Variants in BLTP3A observed in about 807,000 individuals in gnomAD.
The protein encoded by BLTP3A is ICBP90 binding protein 1.
At chr6:34,858,022 A>G in the BLTP3A span, 1 of 1,557,306 alleles carries the variant, frequency 6.4e-7, no homozygotes, top group Non-Finnish European at 8.7e-7. Flanking sequence ...GAAGTAAGAA[A>G]ATAGTTTCAC....
chr6:34,847,455 G>C, the BLTP3A span, among the ~76,000 whole-genome samples: 1 of 151,930 alleles, frequency 6.6e-6, no homozygotes, highest in East Asian at 1.9e-4. Context: ...TTTGCTGGGA[G>C]ACTTTTTATT....
At chr6:34,853,987 G>T in the BLTP3A span, among the ~76,000 whole-genome samples, 1 of 152,196 alleles carries the variant, frequency 6.6e-6, no homozygotes, top group East Asian at 1.9e-4. Context: ...ACTTTGGGGG[G>T]CCGAGGTGGG....
chr6:34,846,130 C>T, the BLTP3A span, among the ~76,000 whole-genome samples: 1 of 124,320 alleles, frequency 8.0e-6, no homozygotes. Context: ...CTTCCCTTCC[C>T]TCCTTCCTTC....
chr6:34,864,522 C>CTTTTTTTTTTTTTTTTT, the BLTP3A span, among the ~76,000 whole-genome samples: 1 of 109,454 alleles, frequency 9.1e-6, no homozygotes, highest in Non-Finnish European at 1.8e-5. Flanking sequence ...TGCTTATAGT[C>CTTTTTTTTTTTTTTTTT]TTTTTTTTTT....
the BLTP3A span, among the ~76,000 whole-genome samples, chr6:34,825,069 C>T: frequency 6.6e-6 from 1 of 152,076 alleles, no homozygotes; most frequent in African/African-American, 2.4e-5. Flanking sequence ...TATATCCCAC[C>T]ACACACACAT....
At chr6:34,822,608 CA>C in the BLTP3A span, among the ~76,000 whole-genome samples, 1 of 152,116 alleles carries the variant, frequency 6.6e-6, no homozygotes, top group Non-Finnish European at 1.5e-5. Flanking sequence ...GTAATGCCAG[CA>C]CTTTGGGAGG....
At chr6:34,842,087 C>T in the BLTP3A span, among the ~76,000 whole-genome samples, 12 of 151,802 alleles carry the variant, frequency 7.9e-5, no homozygotes, top group Non-Finnish European at 1.3e-4. Flanking sequence ...TATTTGATTC[C>T]AATTCTACAC....
At chr6:34,855,996 A>G in the BLTP3A span, 1 of 905,110 alleles carries the variant, frequency 1.1e-6, no homozygotes, top group Non-Finnish European at 1.3e-6. Context: ...GAGCCTCTCC[A>G]GTAGTCCATA....
At chr6:34,836,209 C>T in the BLTP3A span, 1 of 1,614,188 alleles carries the variant, frequency 6.2e-7, no homozygotes, top group Non-Finnish European at 8.5e-7. Context: ...CATTTGGTGG[C>T]AGCCAGGGCA....
chr6:34,817,867 TTG>T, the BLTP3A span, among the ~76,000 whole-genome samples: 1 of 148,750 alleles, frequency 6.7e-6, no homozygotes, highest in African/African-American at 2.6e-5. Flanking sequence ...TTTTTTTTTT[TTG>T]GGGGGGTGGA....
chr6:34,803,051 G>A, the BLTP3A span, among the ~76,000 whole-genome samples: 9 of 151,846 alleles, frequency 5.9e-5, no homozygotes, highest in East Asian at 1.9e-4. Flanking sequence ...GCATGGTGGC[G>A]TGTGTTTGTC....
the BLTP3A span, chr6:34,835,558 G>A: frequency 1.4e-6 from 2 of 1,395,790 alleles, no homozygotes; most frequent in South Asian, 2.9e-5. Flanking sequence ...ACTTTATTTG[G>A]GAAATTTGTC....
the BLTP3A span, among the ~76,000 whole-genome samples, chr6:34,841,060 C>T: frequency 4.6e-5 from 7 of 152,026 alleles, no homozygotes; most frequent in African/African-American, 7.2e-5. Context: ...CTCTTTAACT[C>T]CTGGGCTCAA....
the BLTP3A span, among the ~76,000 whole-genome samples, chr6:34,808,993 A>G: frequency 6.6e-6 from 1 of 152,268 alleles, no homozygotes; most frequent in African/African-American, 2.4e-5. Flanking sequence ...AATACTTAAT[A>G]CCCATTTTAC....
At chr6:34,798,089 G>T in the BLTP3A span, among the ~76,000 whole-genome samples, 2 of 152,140 alleles carry the variant, frequency 1.3e-5, no homozygotes, top group South Asian at 4.2e-4. Flanking sequence ...TCCACCAAAG[G>T]GTAACCAATG....
At chr6:34,805,592 CAAAAAAAAAA>C in the BLTP3A span, among the ~76,000 whole-genome samples, 5 of 96,120 alleles carry the variant, frequency 5.2e-5, no homozygotes, top group African/African-American at 1.8e-4. Flanking sequence ...GACTTGGTCT[CAAAAAAAAAA>C]AAAAAAAAAG....
At chr6:34,846,436 C>G in the BLTP3A span, among the ~76,000 whole-genome samples, 1 of 152,124 alleles carries the variant, frequency 6.6e-6, no homozygotes, top group East Asian at 1.9e-4. Flanking sequence ...TGAGCCCAGC[C>G]CTCCTCAGTT....
the BLTP3A span, chr6:34,823,329 G>T: frequency 6.2e-7 from 1 of 1,613,908 alleles, no homozygotes; most frequent in African/African-American, 1.3e-5. Flanking sequence ...GTCTCCCATT[G>T]CCCTTGCTTC....
At chr6:34,806,988 A>G in the BLTP3A span, among the ~76,000 whole-genome samples, 1 of 152,324 alleles carries the variant, frequency 6.6e-6, no homozygotes, top group Admixed American at 6.5e-5. Context: ...AATAGTGAAT[A>G]ACAAGCAATG....
Sources: allele counts gnomAD v4.1 joint callset (sites outside exome capture counted in the v4.1 genomes callset), GRCh38; gene constraint gnomAD v4.1.1; transcripts MANE v1.5; gene names NCBI Gene and HGNC (gene_info 2026-07-23, HGNC 2026-07-21).